Variants in SAMD3 observed in about 807,000 individuals in gnomAD.
SAMD3 encodes the protein sterile alpha motif domain containing 3.
In SAMD3, 63 loss-of-function variants were observed where a neutral mutation model predicts 58.5. The observed-to-expected ratio is 1.08, with a 90% CI of 0.88 to 1.33. SAMD3 has a LOEUF of 1.33. Among genes scored for constraint, SAMD3 ranks in the 40% most tolerant of loss-of-function variants. The pLI is 0.00. For synonymous variants in SAMD3, 220 were observed against 210.3 expected (o/e 1.05, Z -0.40); for missense variants, 604 against 608.4 (o/e 0.99, Z 0.08).
chr6:130,353,884 A>C (rs546288802), intron 1 of SAMD3, among the ~76,000 whole-genome samples: 1 of 152,350 alleles, frequency 6.6e-6, no homozygotes, highest in South Asian at 2.1e-4. Context: ...GTAAACAGAC[A>C]ATCTACAGAA....
intron 2 of SAMD3, among the ~76,000 whole-genome samples, chr6:130,297,904 C>G (rs558285396): frequency 1.2e-4 from 18 of 152,096 alleles, no homozygotes; most frequent in Admixed American, 2.6e-4. Flanking sequence ...ACCAAATTTA[C>G]TGACATTGGC....
intron 1 of SAMD3, among the ~76,000 whole-genome samples, chr6:130,217,247 A>C (rs369287071): frequency 1.2e-3 from 181 of 152,306 alleles, no homozygotes; most frequent in African/African-American, 4.1e-3. Flanking sequence ...TCTCACATAA[A>C]TAATGGATAT....
intron 1 of SAMD3, among the ~76,000 whole-genome samples, chr6:130,359,476 T>C (rs1777925768): frequency 6.6e-6 from 1 of 152,210 alleles, no homozygotes; most frequent in Non-Finnish European, 1.5e-5. Context: ...TACATCCTTG[T>C]CTACCTTTTG....
intron 8 of SAMD3, among the ~76,000 whole-genome samples, chr6:130,167,639 G>T (rs1258714366): frequency 6.6e-6 from 1 of 152,134 alleles, no homozygotes; most frequent in Non-Finnish European, 1.5e-5. Context: ...ACACGATGAG[G>T]TACAGTAAGA....
Position 130,146,004 on chromosome 6 carries a change from A to G in SAMD3, c.1195+6T>C, listed in dbSNP as rs755479946. ...GAAATCACACCACTCCATAAGGTTT[A>G]CTAACATTTCAACATGTCTTCATCT... On this transcript the variant is annotated splice_donor_region_variant and intron_variant, in intron 10 of 11. Transcript: ENST00000439090. 4.1e-6 allele frequency: 6 copies of G among 1,480,564 alleles called. No homozygotes were observed. In the Admixed American group the frequency reaches 9.0e-5, roughly 22 times the overall value. 91.7% of individuals were successfully genotyped at this position (1,480,564 alleles called of 1,614,324 possible).
At chr6:130,286,369 T>G (rs923326447) in intron 2 of SAMD3, 1 of 152,078 alleles carries the variant, frequency 6.6e-6, no homozygotes, top group East Asian at 1.9e-4. Context: ...AGAGGAAGAG[T>G]GAGCCTTAAT....
chr6:130,163,522 C>T (rs1790455455), intron 8 of SAMD3, among the ~76,000 whole-genome samples: 1 of 152,106 alleles, frequency 6.6e-6, no homozygotes, highest in African/African-American at 2.4e-5. Flanking sequence ...GCAACCTTGC[C>T]CCATGTTTCC....
At chr6:130,313,389 T>C (rs1024924820) in intron 1 of SAMD3, among the ~76,000 whole-genome samples, 7 of 152,170 alleles carry the variant, frequency 4.6e-5, no homozygotes, top group Non-Finnish European at 1.0e-4. Flanking sequence ...ACCAGGTGTG[T>C]GAAACAAACA....
At position 130,346,747 on chromosome 6, in the gene SAMD3, G is replaced by A. The variant is rs113797847; in HGVS notation, c.-304+18373C>T. On this transcript the variant is annotated intron_variant, in intron 1 of 13. Transcript: ENST00000368134. The stretch of plus-strand genomic sequence containing the variant: ...AAGAGACTAGTGGTTCTCCCAGCAC[G>A]CAGCTGGAGATCTGAGAACGGACAG... 1.0e-3 allele frequency among the ~76,000 whole-genome samples: 153 copies of A among 152,302 alleles called. 2 individuals carry two copies. Among genetic ancestry groups the A allele is most frequent in the East Asian group, 3.5e-3 (18 of 5,178 alleles).
chr6:130,179,917 C>T (rs1055289402), intron 7 of SAMD3, among the ~76,000 whole-genome samples: 6 of 148,920 alleles, frequency 4.0e-5, no homozygotes, highest in South Asian at 2.1e-4. Flanking sequence ...TGGGTTCAAG[C>T]GATTCTCCTG....
intron 5 of SAMD3, among the ~76,000 whole-genome samples, chr6:130,199,372 G>C (rs1457841874): frequency 6.6e-6 from 1 of 152,206 alleles, no homozygotes; most frequent in Admixed American, 6.5e-5. Flanking sequence ...TATCAACTCT[G>C]AAGCTAAATG....
intron 2 of SAMD3, among the ~76,000 whole-genome samples, chr6:130,257,566 A>T (rs911061432): frequency 1.3e-5 from 2 of 152,210 alleles, no homozygotes; most frequent in African/African-American, 4.8e-5. Context: ...TTCTGAATAC[A>T]TCTCAATGCC....
At chr6:130,204,312 A>G (rs905264122) in intron 5 of SAMD3, among the ~76,000 whole-genome samples, 1 of 152,186 alleles carries the variant, frequency 6.6e-6, no homozygotes, top group Non-Finnish European at 1.5e-5. Flanking sequence ...AGCTCTTCCC[A>G]AAAAATCACC....
chr6:130,203,160 C>T (rs1794798306), intron 5 of SAMD3, among the ~76,000 whole-genome samples: 1 of 152,154 alleles, frequency 6.6e-6, no homozygotes, highest in Non-Finnish European at 1.5e-5. Flanking sequence ...CGCTTTGGGA[C>T]CACTTGTTAG....
At position 130,265,356 on chromosome 6, in the gene SAMD3, T is replaced by A. The variant is rs774192935; in HGVS notation, c.-187-42543A>T. On this transcript the variant is annotated intron_variant, in intron 2 of 13. Transcript: ENST00000368134. ...CCCTGCAAAGTGGCTCTGAAGAAGATAACAAGCCCTGCTTCAGTCACACCT... is the reference window on the plus strand; with the variant it reads ...CCCTGCAAAGTGGCTCTGAAGAAGAAAACAAGCCCTGCTTCAGTCACACCT... Among the ~76,000 whole-genome samples the A allele has an allele frequency of 8.5e-5, 13 of 152,252 alleles. No individual in the cohort carries two copies. In the East Asian group the frequency reaches 2.3e-3, roughly 27 times the overall value.
downstream of SAMD3, chr6:130,143,872 A>T (rs899454652): frequency 2.0e-5 from 3 of 152,538 alleles, no homozygotes; most frequent in African/African-American, 7.2e-5. Flanking sequence ...CCAGTTGGGC[A>T]TGCAGGATGA....
chr6:130,262,161 C>T (rs11154541), intron 2 of SAMD3, among the ~76,000 whole-genome samples: 44,633 of 151,902 alleles, frequency 0.29, 6,960 homozygotes, highest in East Asian at 0.47. Flanking sequence ...TATAACACTC[C>T]AATACCACTT....
chr6:130,341,426 C>T (rs539161220), intron 1 of SAMD3, among the ~76,000 whole-genome samples: 12 of 152,134 alleles, frequency 7.9e-5, no homozygotes, highest in Non-Finnish European at 1.3e-4. Flanking sequence ...TGAGCAGATT[C>T]GTTGAGTAAG....
chr6:130,336,116 T>C (rs1777092067), intron 1 of SAMD3, among the ~76,000 whole-genome samples: 1 of 152,192 alleles, frequency 6.6e-6, no homozygotes, highest in Non-Finnish European at 1.5e-5. Context: ...TATACATATG[T>C]AACCAACCTG....
Sources: gnomAD v4.1 joint callset for allele counts (sites outside exome capture counted in the v4.1 genomes callset) on GRCh38, gnomAD v4.1.1 for gene constraint, MANE v1.5 for transcripts, NCBI Gene and HGNC (gene_info 2026-07-23, HGNC 2026-07-21) for gene names.